The following DEPDC5 variants were observed in gnomAD, a reference collection of about 807,000 sequenced individuals.
The protein encoded by DEPDC5 is GATOR1 complex protein DEPDC5.
Under a neutral mutation model 217.3 loss-of-function variants are expected in DEPDC5, and 73 were observed. The observed-to-expected ratio is 0.34, with a 90% CI of 0.28 to 0.41. The LOEUF (loss-of-function observed/expected upper bound fraction) is 0.41, where lower values mean the gene tolerates loss of function less well. Among genes scored for constraint, DEPDC5 ranks in the 10% least tolerant of loss-of-function variants. The probability of loss-of-function intolerance (pLI) is 1.00; values close to 1 mark genes in which losing one functional copy is unlikely to be tolerated. For missense variants in DEPDC5, 1,675 were observed against 2,070.1 expected, an observed-to-expected ratio of 0.81 and a Z score of 3.70; for synonymous variants, 733 against 756.7, an observed-to-expected ratio of 0.97 and a Z score of 0.51.
chr22:31,904,684 C>T (rs534298626), intron 41 of DEPDC5, among the ~76,000 whole-genome samples: 3 of 152,266 alleles, frequency 2.0e-5, no homozygotes, highest in South Asian at 2.1e-4. Context: ...GTGGAGGTTG[C>T]GGTGAGCCAA....
At chr22:31,844,348 A>G (rs1325278096) in intron 29 of DEPDC5, among the ~76,000 whole-genome samples, 2 of 152,180 alleles carry the variant, frequency 1.3e-5, no homozygotes, top group African/African-American at 2.4e-5. Flanking sequence ...GAGCCTTGAT[A>G]GTGCCACTGC....
intron 2 of DEPDC5, 162 bp downstream of exon 2, chr22:31,755,141 G>A: frequency 1.4e-6 from 1 of 704,820 alleles, no homozygotes; most frequent in Non-Finnish European, 2.4e-6. Context: ...GAGGATGGCA[G>A]GACCCTTCTA....
At chr22:31,894,276 G>T (rs528314568) in intron 39 of DEPDC5, 2 of 150,216 alleles carry the variant, frequency 1.3e-5, no homozygotes, top group Admixed American at 6.6e-5. Flanking sequence ...TTTTTTTTCA[G>T]CAGAGATGGT....
intron 11 of DEPDC5, 120 bp from the exon 12 acceptor site, chr22:31,792,625 A>AT: frequency 1.6e-6 from 1 of 620,068 alleles, no homozygotes; most frequent in East Asian, 4.7e-5. Context: ...AAAAAAAAAA[A>AT]AAAAAAAGAC....
In DEPDC5 at chr22:31,815,048, C is replaced by T; in HGVS notation, c.1502C>T (p.Ser501Leu). ...SRKSASSCDV[S>L]SSPSLPSRTL... ...AAGAGTGCCAGCTCCTGTGATGTTTCATCCAGCCCTTCCCTACCAAGCCGC... is the reference window on the plus strand; with the variant it reads ...AAGAGTGCCAGCTCCTGTGATGTTTTATCCAGCCCTTCCCTACCAAGCCGC... Residue 501 changes from serine to leucine, a missense_variant, in exon 21 of 43, where the codon TCA (serine) becomes TTA (leucine). Around this residue, in one of 11 missense-constraint regions of DEPDC5, gnomAD observed 628 missense variants for 762.1 expected, o/e 0.82. Transcript: ENST00000651528. 2 of 1,614,190 alleles carry T rather than the reference C, an allele frequency of 1.2e-6. No homozygotes were observed. The highest frequency in any genetic ancestry group is 1.1e-5 in the South Asian group (1 of 91,084).
In DEPDC5 at chr22:31,788,583, T is replaced by A. The variant is rs564143146; in HGVS notation, c.625-3450T>A. Reference sequence around the variant, plus strand: ...GTGAGCTACAGTGCCTAGCCCATATTTTTTTTTGAGACAGAGTTTTGCTCT... The same window carrying A: ...GTGAGCTACAGTGCCTAGCCCATATATTTTTTTGAGACAGAGTTTTGCTCT... On this transcript the variant is annotated intron_variant, in intron 10 of 42. Transcript: ENST00000651528. Among the ~76,000 whole-genome samples the A allele has an allele frequency of 6.8e-4, 102 of 150,860 alleles. 1 individual carries two copies. Among genetic ancestry groups the A allele is most frequent in the Non-Finnish European group, 1.2e-3 (83 of 67,704 alleles).
At chr22:31,836,358 T>A (rs1349055428) in intron 25 of DEPDC5, among the ~76,000 whole-genome samples, 1 of 152,242 alleles carries the variant, frequency 6.6e-6, no homozygotes, top group Non-Finnish European at 1.5e-5. Context: ...GACAGACCCA[T>A]GTGGTCAGGA....
rs1375264234 is a variant in DEPDC5 at position 31,754,975 on chromosome 22, C to T, written c.54C>T (p.Gly18=). The change falls in exon 2 of 43, where the codon GGC becomes GGT. Residue 18 remains glycine, a synonymous_variant. Coordinates refer to ENST00000651528, the MANE Select transcript of DEPDC5 (RefSeq NM_001242896.3). ...KLVIHKKGFG[G]SDDELVVNPK... is the part of the protein sequence containing the mutation. ...TCATCCACAAGAAGGGCTTTGGGGG[C>T]AGTGGTCAGTATCGATTGGTCTTTA... 2 of 1,614,032 alleles carry T rather than the reference C, an allele frequency of 1.2e-6. No individual in the cohort carries two copies. The highest frequency in any genetic ancestry group is 1.7e-6 in the Non-Finnish European group (2 of 1,180,032).
rs373550815 is a variant in DEPDC5 at position 31,787,814 on chromosome 22, T to TA, written c.624+2955dup. Among the ~76,000 whole-genome samples the TA allele has an allele frequency of 4.7e-3, 603 of 127,362 alleles. 3 individuals are homozygous for TA. Among genetic ancestry groups the TA allele is most frequent in the African/African-American group, 9.9e-3 (341 of 34,500 alleles). The allele number at this position is 127,362 out of a possible 152,430, so 83.6% of individuals were successfully genotyped here. A position where few individuals can be genotyped will look rare whatever the true frequency, so the allele number is the denominator to read the frequency against. On this transcript the variant is annotated intron_variant, in intron 10 of 42. Transcript: ENST00000651528. ...AGGACAGAGCAAGACCCTGTCTCTT[T>TA]AAAAAAAAAAAAAAAAGAAGAAGAA...
chr22:31,868,275 G>A (rs974149127), intron 33 of DEPDC5, among the ~76,000 whole-genome samples: 2 of 151,988 alleles, frequency 1.3e-5, no homozygotes, highest in African/African-American at 2.4e-5. Flanking sequence ...TTGGGGGTTG[G>A]GGCTGATAGT....
intron 40 of DEPDC5, among the ~76,000 whole-genome samples, chr22:31,898,022 A>G (rs912594577): frequency 3.9e-5 from 6 of 152,078 alleles, no homozygotes; most frequent in African/African-American, 7.2e-5. Context: ...AGGGATTTAA[A>G]CCTCACGGGA....
intron 10 of DEPDC5, among the ~76,000 whole-genome samples, chr22:31,786,226 A>G (rs1249533591): frequency 1.3e-5 from 2 of 150,090 alleles, no homozygotes; most frequent in East Asian, 2.0e-4. Flanking sequence ...ACCGTACTCC[A>G]GCCTGGGCAA....
At chr22:31,767,155 T>C (rs964858213) in intron 6 of DEPDC5, among the ~76,000 whole-genome samples, 4 of 152,028 alleles carry the variant, frequency 2.6e-5, no homozygotes, top group Non-Finnish European at 5.9e-5. Context: ...TTTTTTTTTT[T>C]TTCTGAGATG....
chr22:31,767,140 C>G (rs1294189975), intron 6 of DEPDC5, among the ~76,000 whole-genome samples: 2 of 137,966 alleles, frequency 1.4e-5, no homozygotes, highest in African/African-American at 6.0e-5. Flanking sequence ...CACATGTATT[C>G]ATTGTTTTTT....
At chr22:31,860,108 G>A (rs1395850870) in intron 32 of DEPDC5, among the ~76,000 whole-genome samples, 2 of 152,152 alleles carry the variant, frequency 1.3e-5, no homozygotes, top group African/African-American at 4.8e-5. Context: ...CCAGGTGAAC[G>A]CTAAAATCCA....
Position 31,754,894 on chromosome 22 carries a change from G to C in DEPDC5, c.-28G>C. On this transcript the variant is annotated 5_prime_UTR_variant, in exon 2 of 43. Coordinates refer to ENST00000651528, the MANE Select transcript of DEPDC5 (RefSeq NM_001242896.3). Reference sequence around the variant, plus strand: ...AGATGACTTCTCTGCCCCAAGCTTGGAACAGCTAAAGGGAAAAACAGTGCA... The same window carrying C: ...AGATGACTTCTCTGCCCCAAGCTTGCAACAGCTAAAGGGAAAAACAGTGCA... The C allele has an allele frequency of 6.2e-7, 1 of 1,613,770 alleles. No individual in the cohort carries two copies. The highest frequency in any genetic ancestry group is 8.5e-7 in the Non-Finnish European group (1 of 1,179,760).
intron 23 of DEPDC5, 29 bp from the exon 24 acceptor site, chr22:31,822,664 G>A (rs760858106): frequency 1.2e-6 from 2 of 1,611,466 alleles, no homozygotes; most frequent in Admixed American, 1.7e-5. Flanking sequence ...TCTACATTAA[G>A]CCAGGTGGCT....
chr22:31,791,627 CA>C (rs142053932), intron 10 of DEPDC5, among the ~76,000 whole-genome samples: 2,562 of 62,064 alleles, frequency 0.041, 48 homozygotes, highest in African/African-American at 0.062. Context: ...GAGACTGCCT[CA>C]AAAAAAAAAA....
intron 38 of DEPDC5, among the ~76,000 whole-genome samples, chr22:31,886,767 AAAAAAAAAAG>A (rs2093323473): frequency 6.8e-6 from 1 of 146,070 alleles, no homozygotes; most frequent in African/African-American, 2.6e-5. Context: ...AAAAAAAAAA[AAAAAAAAAAG>A]AGAGAGAGAG....
Sources: gnomAD v4.1 joint callset for allele counts (sites outside exome capture counted in the v4.1 genomes callset) on GRCh38, gnomAD v4.1.1 for gene constraint, gnomAD v4.1.1 regional missense constraint, MANE v1.5 for transcripts, NCBI Gene and HGNC (gene_info 2026-07-23, HGNC 2026-07-21) for gene names.